Variants in PRKX observed in about 807,000 individuals in gnomAD.
PRKX encodes the protein protein kinase cAMP-dependent X-linked catalytic subunit.
PRKX carries 12 observed loss-of-function variants against 22.0 expected under a neutral mutation model. That is an observed-to-expected ratio of 0.54 (90% CI 0.35 to 0.88). The LOEUF is 0.88. PRKX is among the 40% of genes least tolerant of loss of function. PRKX has a pLI of 0.01. For synonymous variants in PRKX, 134 were observed against 137.7 expected (o/e 0.97, Z 0.19); for missense variants, 217 against 308.0 (o/e 0.70, Z 2.21).
At chrX:3,630,539 G>C (rs1192247545) in intron 4 of PRKX, among the ~76,000 whole-genome samples, 6 of 111,733 alleles carry the variant, frequency 5.4e-5, no homozygotes, top group African/African-American at 1.6e-4. Flanking sequence ...CAGCCTGGGC[G>C]ACAGAGCAAG....
chrX:3,696,116 A>C (rs1381346295), intron 1 of PRKX, among the ~76,000 whole-genome samples: 9 of 110,301 alleles, frequency 8.2e-5, no homozygotes, highest in African/African-American at 3.0e-4. Context: ...GAATGGGATC[A>C]ATGTCCTTAT....
At position 3,713,245 on chromosome X, in the gene PRKX, C is replaced by A. The variant is rs1293867534; in HGVS notation, c.9G>T (p.Ala3=). The A allele has an allele frequency of 2.9e-6, 3 of 1,046,037 alleles. No homozygotes were observed. In the African/African-American group the frequency reaches 6.0e-5, roughly 21 times the overall value. The allele number at this position is 1,046,037 out of a possible 1,213,427, so 86.2% of individuals were successfully genotyped here. A position where few individuals can be genotyped will look rare whatever the true frequency, so the allele number is the denominator to read the frequency against. Residue 3 remains alanine (A), a synonymous_variant, in exon 1 of 9, where the codon GCG becomes GCT. Coordinates refer to ENST00000262848, the MANE Select transcript of PRKX (RefSeq NM_005044.5). ...CCGCGGCCGCCTGGGCCAGCCCGGG[C>A]GCCTCCATGGGGACGCACTCAGGTC... ME[A]PGLAQAAAAE...
In PRKX at chrX:3,655,403, C is replaced by T. The variant is rs776540974; in HGVS notation, c.345G>A (p.Thr115=). The T allele has an allele frequency of 2.2e-5, 27 of 1,210,991 alleles. No homozygotes were observed. Among genetic ancestry groups the T allele is most frequent in the East Asian group, 3.0e-5 (1 of 33,777 alleles). ...SHPFLIRLFW[T]WHDERFLYML... ...TGTAGAGGAAGCGCTCGTCATGCCACGTCCAGAACCTGCGGGGACAGACAG... is the reference window on the plus strand; with the variant it reads ...TGTAGAGGAAGCGCTCGTCATGCCATGTCCAGAACCTGCGGGGACAGACAG... Residue 115 remains threonine, a synonymous_variant, in exon 3 of 9, where the codon ACG becomes ACA. Coordinates refer to ENST00000262848, the MANE Select transcript of PRKX (RefSeq NM_005044.5).
rs1348767520 is a variant in PRKX at position 3,667,218 on chromosome X, G to A, written c.335+7380C>T. 6 of 111,528 alleles carry A rather than the reference G, an allele frequency of 5.4e-5. No homozygotes were observed. The East Asian group carries it at 1.7e-3, about 31-fold the overall frequency. 9.2% of individuals were successfully genotyped at this position (111,528 alleles called of 1,213,427 possible). A position where few individuals can be genotyped will look rare whatever the true frequency, so the allele number is the denominator to read the frequency against. On this transcript the variant is annotated intron_variant, in intron 2 of 8. Coordinates refer to ENST00000262848, the MANE Select transcript of PRKX (RefSeq NM_005044.5). Reference sequence around the variant, plus strand: ...CTGATCTGCAGTCTTTTATTTGCAGGGTCTGCGGGGATGGCTTGTCCTCTA... The same window carrying A: ...CTGATCTGCAGTCTTTTATTTGCAGAGTCTGCGGGGATGGCTTGTCCTCTA...
At chrX:3,639,693 G>T (rs1240411892) in intron 4 of PRKX, among the ~76,000 whole-genome samples, 1 of 110,692 alleles carries the variant, frequency 9.0e-6, no homozygotes, top group African/African-American at 3.3e-5. Flanking sequence ...GGTTTTTACG[G>T]GTTCCACTCT....
In PRKX at chrX:3,608,296, CTT is replaced by C. The variant is rs1926223607; in HGVS notation, c.*671_*672del. The C allele has an allele frequency of 9.1e-6, 1 of 110,195 alleles. No homozygotes were observed. Among genetic ancestry groups the C allele is most frequent in the East Asian group, 2.8e-4 (1 of 3,515 alleles). The allele number at this position is 110,195 out of a possible 1,213,427, so 9.1% of individuals were successfully genotyped here. ...TAAATTCGCTCCCATATCTTCCCCT[CTT>C]TGTTTCTTCTTTTAAAGTCTCAAGT... On this transcript the variant is annotated 3_prime_UTR_variant, in exon 9 of 9. Coordinates refer to ENST00000262848, the MANE Select transcript of PRKX (RefSeq NM_005044.5).
intron 1 of PRKX, among the ~76,000 whole-genome samples, chrX:3,700,164 C>T (rs1182161513): frequency 8.9e-6 from 1 of 112,307 alleles, no homozygotes; most frequent in Non-Finnish European, 1.9e-5. Context: ...GGTTACAATT[C>T]TACTTCTTCT....
rs369523977 is a variant in PRKX, at chrX:3,621,335, C to CA, written c.816-20dup. ...GAGGTCTCTATGTTGGGGAAGGAGA[C>CA]AAAAAAAAAAAAAGTACACAGATTA... is the stretch of plus-strand genomic sequence containing the variant. On this transcript the variant is annotated intron_variant, in intron 5 of 8. Coordinates refer to ENST00000262848, the MANE Select transcript of PRKX (RefSeq NM_005044.5). 33,236 of 856,381 alleles carry CA rather than the reference C, an allele frequency of 0.039. No homozygotes were observed. Among genetic ancestry groups the CA allele is most frequent in the Non-Finnish European group, 0.042 (26,885 of 635,973 alleles). 70.6% of individuals were successfully genotyped at this position (856,381 alleles called of 1,213,427 possible).
intron 1 of PRKX, among the ~76,000 whole-genome samples, chrX:3,703,758 A>G (rs1463972757): frequency 7.3e-5 from 7 of 95,992 alleles, no homozygotes; most frequent in Non-Finnish European, 1.4e-4. Flanking sequence ...TGCAACCTCT[A>G]TCTCCCGGGT....
At chrX:3,679,236 C>T (rs1276120984) in intron 1 of PRKX, among the ~76,000 whole-genome samples, 2 of 110,692 alleles carry the variant, frequency 1.8e-5, no homozygotes, top group African/African-American at 6.6e-5. Flanking sequence ...TTTTGGAATC[C>T]CCAGTGTTTA....
At chrX:3,657,063 T>C (rs1927496114) in intron 2 of PRKX, among the ~76,000 whole-genome samples, 1 of 111,696 alleles carries the variant, frequency 9.0e-6, no homozygotes, top group Non-Finnish European at 1.9e-5. Context: ...TTTAATTCCA[T>C]AGCTTTGGGG....
intron 2 of PRKX, among the ~76,000 whole-genome samples, chrX:3,655,795 T>C (rs1401378417): frequency 1.8e-5 from 2 of 112,221 alleles, no homozygotes; most frequent in African/African-American, 3.2e-5. Flanking sequence ...TAGTTATAGA[T>C]AGATGTTAGG....
At chrX:3,610,342 TGTG>T (rs1365574017) in intron 8 of PRKX, among the ~76,000 whole-genome samples, 9 of 110,399 alleles carry the variant, frequency 8.2e-5, no homozygotes, top group Non-Finnish European at 1.3e-4. Context: ...ATTAGCCTGG[TGTG>T]GTGGCAGGCA....
intron 3 of PRKX, among the ~76,000 whole-genome samples, chrX:3,648,867 C>T (rs1231191482): frequency 1.8e-5 from 2 of 109,611 alleles, no homozygotes; most frequent in African/African-American, 3.3e-5. Context: ...TTGCTTGAGG[C>T]CAGGAGTTCA....
At chrX:3,686,472 A>G (rs1432687840) in intron 1 of PRKX, among the ~76,000 whole-genome samples, 1 of 107,620 alleles carries the variant, frequency 9.3e-6, no homozygotes, top group African/African-American at 3.4e-5. Context: ...CCTGGCTTCA[A>G]GCAATCTTCC....
At chrX:3,641,458 C>T (rs1468608045) in intron 4 of PRKX, 3 of 157,300 alleles carry the variant, frequency 1.9e-5, no homozygotes, top group East Asian at 2.0e-4. Flanking sequence ...ACTAAACAAG[C>T]GCAGAAGTGA....
intron 1 of PRKX, among the ~76,000 whole-genome samples, chrX:3,698,683 G>A (rs917635263): frequency 2.7e-5 from 3 of 110,248 alleles, no homozygotes; most frequent in African/African-American, 6.6e-5. Flanking sequence ...CCGCCTTCCG[G>A]GTTGAAGCGA....
At chrX:3,635,640 T>C (rs968096992) in intron 4 of PRKX, among the ~76,000 whole-genome samples, 2 of 111,451 alleles carry the variant, frequency 1.8e-5, no homozygotes, top group African/African-American at 6.5e-5. Context: ...CAAGCTGATG[T>C]GCACTGGTGC....
Position 3,713,241 on chromosome X carries a change from C to G in PRKX, c.13G>C (p.Gly5Arg). ...TCCGCCGCGGCCGCCTGGGCCAGCC[C>G]GGGCGCCTCCATGGGGACGCACTCA... MEAP[G>R]LAQAAAAESD... Residue 5 changes from glycine (G) to arginine (R), a missense_variant, in exon 1 of 9, where the codon GGG (glycine) becomes CGG (arginine). Transcript: ENST00000262848. 9.5e-7 allele frequency: 1 copy of G among 1,049,502 alleles called. No individual in the cohort carries two copies. The highest frequency in any genetic ancestry group is 1.2e-6 in the Non-Finnish European group (1 of 827,063). 86.5% of individuals were successfully genotyped at this position (1,049,502 alleles called of 1,213,427 possible). A position where few individuals can be genotyped will look rare whatever the true frequency, so the allele number is the denominator to read the frequency against.
Sources: gnomAD v4.1 joint callset for allele counts (sites outside exome capture counted in the v4.1 genomes callset) on GRCh38, gnomAD v4.1.1 for gene constraint, MANE v1.5 for transcripts, NCBI Gene and HGNC (gene_info 2026-07-23, HGNC 2026-07-21) for gene names.